Variants in ACYP2 observed in about 807,000 individuals in gnomAD.
The protein encoded by ACYP2 is acylphosphatase 2, also known as acylphosphatase-2.
A neutral mutation model predicts 11.2 loss-of-function variants in ACYP2; 12 were observed. The ratio of observed to expected loss-of-function variants is 1.08; its 90% CI spans 0.69 to 1.74. ACYP2 has a LOEUF of 1.74. Among genes scored for constraint, ACYP2 ranks in the 40% most tolerant of loss-of-function variants. ACYP2 has a pLI of 0.00. For synonymous variants in ACYP2, 43 were observed against 32.2 expected, an observed-to-expected ratio of 1.33 and a Z score of -1.13; for missense variants, 134 against 101.9, an observed-to-expected ratio of 1.31 and a Z score of -1.35.
chr2:54,073,076 A>T (rs747635835), intron 4 of ACYP2, among the ~76,000 whole-genome samples: 28 of 152,206 alleles, frequency 1.8e-4, no homozygotes, highest in Non-Finnish European at 4.1e-4. Flanking sequence ...GTTCAGAAAT[A>T]AACTCTTATA....
At chr2:54,121,183 C>T (rs956887564) in intron 4 of ACYP2, among the ~76,000 whole-genome samples, 1 of 152,040 alleles carries the variant, frequency 6.6e-6, no homozygotes, top group African/African-American at 2.4e-5. Context: ...GAAAAGCTCT[C>T]GATAAAGAGA....
intron 6 of ACYP2, among the ~76,000 whole-genome samples, chr2:54,180,555 T>A (rs568053747): frequency 6.6e-6 from 1 of 152,210 alleles, no homozygotes; most frequent in South Asian, 2.1e-4. Context: ...TATATATTTG[T>A]TGGTTTTCTT....
intron 6 of ACYP2, among the ~76,000 whole-genome samples, chr2:54,289,908 A>G (rs1689227522): frequency 6.6e-6 from 1 of 152,020 alleles, no homozygotes; most frequent in South Asian, 2.1e-4. Context: ...CACATGTAGT[A>G]TGCTCAATAC....
At chr2:54,038,353 G>T (rs574855555) in intron 2 of ACYP2, among the ~76,000 whole-genome samples, 1 of 151,444 alleles carries the variant, frequency 6.6e-6, no homozygotes, top group South Asian at 2.1e-4. Context: ...CATACTCTTT[G>T]TTTTTTTTGC....
chr2:53,996,567 G>T (rs1573476796), intron 2 of ACYP2, among the ~76,000 whole-genome samples: 1 of 152,172 alleles, frequency 6.6e-6, no homozygotes, highest in South Asian at 2.1e-4. Context: ...TCCTGTTAAT[G>T]CTGCCATGAT....
chr2:53,997,404 C>T (rs1009540027), intron 2 of ACYP2, among the ~76,000 whole-genome samples: 1 of 152,140 alleles, frequency 6.6e-6, no homozygotes, highest in African/African-American at 2.4e-5. Context: ...CTTCCGGCTT[C>T]AAGTGATTCT....
At chr2:54,057,396 A>G in intron 4 of ACYP2, 1 of 397,024 alleles carries the variant, frequency 2.5e-6, no homozygotes, top group Non-Finnish European at 4.4e-6. Flanking sequence ...TTTAATGAAT[A>G]TCTACCTTTT....
At chr2:54,288,710 T>C (rs2104136454) in intron 6 of ACYP2, among the ~76,000 whole-genome samples, 1 of 152,156 alleles carries the variant, frequency 6.6e-6, no homozygotes, top group Middle Eastern at 3.4e-3. Context: ...CTTTGGCAAC[T>C]CCACCGATGT....
intron 6 of ACYP2, chr2:54,253,708 C>G (rs1234503906): frequency 3.9e-5 from 6 of 152,286 alleles, no homozygotes; most frequent in Admixed American, 1.3e-4. Flanking sequence ...CCATCACAAT[C>G]TCTTTAGTTC....
intron 6 of ACYP2, among the ~76,000 whole-genome samples, chr2:54,268,605 C>T (rs1243766763): frequency 1.4e-5 from 2 of 145,876 alleles, no homozygotes; most frequent in African/African-American, 5.1e-5. Flanking sequence ...AGTTCGAAAC[C>T]AGCCTGGGCA....
intron 2 of ACYP2, among the ~76,000 whole-genome samples, chr2:54,032,465 T>G (rs1406842130): frequency 5.3e-5 from 8 of 152,086 alleles, no homozygotes; most frequent in Admixed American, 2.0e-4. Flanking sequence ...TGAGGGCTCT[T>G]TTCTGTTCCA....
intron 2 of ACYP2, among the ~76,000 whole-genome samples, chr2:54,023,495 C>T (rs1319357090): frequency 6.6e-6 from 1 of 152,142 alleles, no homozygotes; most frequent in African/African-American, 2.4e-5. Context: ...TTGAGAATTT[C>T]AGGTGCTTTA....
chr2:54,123,455 T>G (rs1680273119), intron 4 of ACYP2: 1 of 398,560 alleles, frequency 2.5e-6, no homozygotes, highest in Non-Finnish European at 4.4e-6. Context: ...TTTCCTTTTT[T>G]TGTGTGTGTG....
chr2:54,295,628 T>A (rs1261187229), intron 6 of ACYP2, among the ~76,000 whole-genome samples: 2 of 152,092 alleles, frequency 1.3e-5, no homozygotes, highest in Non-Finnish European at 2.9e-5. Flanking sequence ...CGGGGGGTAT[T>A]TCTTTAAGTT....
intron 4 of ACYP2, among the ~76,000 whole-genome samples, chr2:54,119,137 G>A (rs1345666837): frequency 7.5e-6 from 1 of 133,536 alleles, no homozygotes; most frequent in South Asian, 2.4e-4. Context: ...GCAGCCTTGA[G>A]CTCCTGGGCT....
chr2:54,230,899 C>G (rs1226429027), intron 6 of ACYP2, among the ~76,000 whole-genome samples: 2 of 147,280 alleles, frequency 1.4e-5, no homozygotes, highest in African/African-American at 5.0e-5. Context: ...GGCACAATCT[C>G]GGCTCACTGC....
intron 6 of ACYP2, among the ~76,000 whole-genome samples, chr2:54,204,650 GTGTCTT>G (rs1684999005): frequency 6.6e-6 from 1 of 152,176 alleles, no homozygotes. Context: ...TGTGAAGAAT[GTGTCTT>G]TTATTTCCCT....
chr2:54,266,553 A>T (rs867385126), intron 6 of ACYP2, among the ~76,000 whole-genome samples: 1 of 134,824 alleles, frequency 7.4e-6, no homozygotes, highest in Non-Finnish European at 1.6e-5. Context: ...TAGCTAGATA[A>T]AGATAGATAG....
intron 4 of ACYP2, among the ~76,000 whole-genome samples, chr2:54,078,375 T>A (rs1677455725): frequency 6.7e-6 from 1 of 149,780 alleles, no homozygotes; most frequent in African/African-American, 2.5e-5. Context: ...ATAGCTTCCA[T>A]ATATACATAT....
Sources: allele counts gnomAD v4.1 joint callset (sites outside exome capture counted in the v4.1 genomes callset), GRCh38; gene constraint gnomAD v4.1.1; transcripts MANE v1.5; gene names NCBI Gene and HGNC (gene_info 2026-07-23, HGNC 2026-07-21).